SLC25A24: variants seen among roughly 807,000 people sequenced by gnomAD.
SLC25A24 encodes solute carrier family 25 member 24.
SLC25A24 carries 49 observed loss-of-function variants against 60.7 expected under a neutral mutation model. That is an observed-to-expected ratio of 0.81 (90% CI 0.64 to 1.02). SLC25A24 has a LOEUF of 1.02. SLC25A24 is among the 50% of genes least tolerant of loss of function. SLC25A24 has a pLI of 0.00. For missense variants in SLC25A24, 564 were observed against 586.3 expected, an observed-to-expected ratio of 0.96 and a Z score of 0.39; for synonymous variants, 202 against 200.6, an observed-to-expected ratio of 1.01 and a Z score of -0.06.
At chr1:108,171,531 G>A (rs187205224) in intron 3 of SLC25A24, among the ~76,000 whole-genome samples, 1 of 152,222 alleles carries the variant, frequency 6.6e-6, no homozygotes, top group African/African-American at 2.4e-5. Flanking sequence ...TGCCTCCAGG[G>A]CTGTATATGT....
chr1:108,159,986 C>T (rs1680013097), intron 4 of SLC25A24, among the ~76,000 whole-genome samples: 4 of 152,186 alleles, frequency 2.6e-5, no homozygotes, highest in African/African-American at 9.7e-5. Flanking sequence ...TTGGGTACAC[C>T]TCCCAGATGG....
chr1:108,198,597 T>C (rs1466504242), intron 1 of SLC25A24: 1 of 152,242 alleles, frequency 6.6e-6, no homozygotes, highest in Non-Finnish European at 1.5e-5. Context: ...CAGAATATGA[T>C]GCAGTTACGT....
chr1:108,146,737 G>C (rs1679605519), intron 7 of SLC25A24, among the ~76,000 whole-genome samples: 1 of 152,132 alleles, frequency 6.6e-6, no homozygotes, highest in Admixed American at 6.5e-5. Flanking sequence ...TGCATATGTT[G>C]AACAGCCTTG....
intron 9 of SLC25A24, 77 bp downstream of exon 9, chr1:108,138,981 T>G (rs1679368182): frequency 2.3e-6 from 3 of 1,330,364 alleles, no homozygotes; most frequent in Admixed American, 5.7e-5. Context: ...GTCTGCATCT[T>G]AGTAGAACTT....
rs533595243 is a variant in SLC25A24 at position 108,181,989 on chromosome 1, G to A, written c.350C>T (p.Thr117Ile). The change falls in exon 3 of 10, where the codon ACA (threonine) becomes ATA (isoleucine). Residue 117 changes from threonine (T) to isoleucine (I), a missense_variant. By Grantham distance (89) the Thr-to-Ile change is moderately conservative (BLOSUM62 -1). Transcript: ENST00000565488. ...TTGTTCAGAAATAGTCAGACCCAGTGTCTGGAGAGACTGGACAATTTCTGA... is the reference window on the plus strand; with the variant it reads ...TTGTTCAGAAATAGTCAGACCCAGTATCTGGAGAGACTGGACAATTTCTGA... The part of the protein sequence containing the change: ...EASEIVQSLQ[T>I]LGLTISEQQA... 6.2e-7 allele frequency: 1 copy of A among 1,612,450 alleles called. No homozygotes were observed. Among genetic ancestry groups the A allele is most frequent in the Admixed American group, 1.7e-5 (1 of 59,914 alleles).
chr1:108,188,082 T>C (rs934624680), intron 1 of SLC25A24, among the ~76,000 whole-genome samples: 1 of 151,826 alleles, frequency 6.6e-6, no homozygotes, highest in African/African-American at 2.4e-5. Context: ...TGCAGCAACA[T>C]GGATGCAGCT....
At position 108,148,360 on chromosome 1, in the gene SLC25A24, T is replaced by TC. The variant is rs1679663867; in HGVS notation, c.848dup (p.Gln284ThrfsTer7). On this transcript the variant is annotated frameshift_variant, in exon 7 of 10. Coordinates refer to ENST00000565488, the MANE Select transcript of SLC25A24 (RefSeq NM_013386.5). LOFTEE classifies it high-confidence loss of function. ...ATCTCTCAAATGTTCCTATTTTTTG[T>TC]CCTTCTTCAGTAAGTAACTTCTTGT... The TC allele has an allele frequency of 6.2e-7, 1 of 1,611,754 alleles. No individual in the cohort carries two copies. The highest frequency in any genetic ancestry group is 1.3e-5 in the African/African-American group (1 of 74,946).
At chr1:108,170,057 TC>T (rs887027457) in intron 3 of SLC25A24, among the ~76,000 whole-genome samples, 1 of 152,140 alleles carries the variant, frequency 6.6e-6, no homozygotes, top group African/African-American at 2.4e-5. Flanking sequence ...TCGAGATTAT[TC>T]CATTTTCTCT....
At chr1:108,198,249 T>C (rs904537894) in intron 1 of SLC25A24, among the ~76,000 whole-genome samples, 3 of 152,302 alleles carry the variant, frequency 2.0e-5, no homozygotes, top group African/African-American at 7.2e-5. Flanking sequence ...AGACAGGAAA[T>C]GAAAAGGAAT....
chr1:108,155,812 T>A (rs11185286), intron 5 of SLC25A24, among the ~76,000 whole-genome samples: 76,909 of 151,988 alleles, frequency 0.51, 20,020 homozygotes, highest in African/African-American at 0.63. Flanking sequence ...ACTACAGATG[T>A]GGTAGTCACT....
intron 3 of SLC25A24, among the ~76,000 whole-genome samples, chr1:108,165,707 T>A (rs1288266381): frequency 4.6e-5 from 7 of 152,224 alleles, no homozygotes; most frequent in Admixed American, 3.3e-4. Flanking sequence ...GAGATGGGTT[T>A]CCTTAATACA....
intron 1 of SLC25A24, among the ~76,000 whole-genome samples, chr1:108,190,705 T>TTATTGTTCATTATTTGCTTA (rs1438349143): frequency 7.5e-5 from 7 of 93,112 alleles, no homozygotes; most frequent in East Asian, 6.6e-4. Context: ...TTTTTTTTTT[T>TTATTGTTCATTATTTGCTTA]TTAATCAGTT....
chr1:108,155,552 T>C (rs559404768), intron 5 of SLC25A24, among the ~76,000 whole-genome samples: 1 of 151,960 alleles, frequency 6.6e-6, no homozygotes, highest in East Asian at 1.9e-4. Flanking sequence ...AATGTATGTA[T>C]ATTATTACAT....
At chr1:108,146,868 GAAAT>G (rs1257240042) in intron 7 of SLC25A24, among the ~76,000 whole-genome samples, 1 of 152,138 alleles carries the variant, frequency 6.6e-6, no homozygotes, top group Non-Finnish European at 1.5e-5. Flanking sequence ...ATATTGGCCT[GAAAT>G]TTTCTATTTT....
At chr1:108,142,304 A>G (rs1314975248) in intron 8 of SLC25A24, among the ~76,000 whole-genome samples, 2 of 152,194 alleles carry the variant, frequency 1.3e-5, no homozygotes, top group East Asian at 3.8e-4. Flanking sequence ...AGACTCGAAC[A>G]GATACGCAGA....
At chr1:108,170,508 C>T (rs1299903079) in intron 3 of SLC25A24, among the ~76,000 whole-genome samples, 1 of 152,058 alleles carries the variant, frequency 6.6e-6, no homozygotes, top group African/African-American at 2.4e-5. Flanking sequence ...TTTGTCTTCA[C>T]TAAAGTTTTT....
Position 108,182,021 on chromosome 1 carries a change from A to C in SLC25A24, c.318T>G (p.Ile106Met). ...KSLDKNNDGK[I>M]EASEIVQSLQ... is the part of the protein sequence containing the mutation. ...GAGACTGGACAATTTCTGAAGCCTC[A>C]ATTTTTCCTTTAAAAAAATAAAAAG... The change falls in exon 3 of 10, where the codon ATT (isoleucine) becomes ATG (methionine). Residue 106 changes from isoleucine (I) to methionine (M), a missense_variant. Coordinates refer to ENST00000565488, the MANE Select transcript of SLC25A24 (RefSeq NM_013386.5). 6.2e-7 allele frequency: 1 copy of C among 1,606,534 alleles called. No homozygotes were observed. Among genetic ancestry groups the C allele is most frequent in the Non-Finnish European group, 8.5e-7 (1 of 1,174,378 alleles).
chr1:108,138,229 T>C (rs1679341243), intron 9 of SLC25A24, among the ~76,000 whole-genome samples: 1 of 152,202 alleles, frequency 6.6e-6, no homozygotes, highest in African/African-American at 2.4e-5. Flanking sequence ...GCTCTACCCC[T>C]AGCATCTGGC....
At chr1:108,148,249 C>T (rs529191352) in intron 7 of SLC25A24, 30 bp downstream of exon 7, 53 of 1,292,808 alleles carry the variant, frequency 4.1e-5, no homozygotes, top group Admixed American at 2.2e-4. Flanking sequence ...CGAACACCAT[C>T]ACACAGTCAG....
Sources: allele counts gnomAD v4.1 joint callset (sites outside exome capture counted in the v4.1 genomes callset), GRCh38; gene constraint gnomAD v4.1.1; transcripts MANE v1.5; gene names NCBI Gene and HGNC (gene_info 2026-07-23, HGNC 2026-07-21).